Variants in PTK2 observed in about 807,000 individuals in gnomAD.
PTK2 encodes focal adhesion kinase 1.
Under a neutral mutation model 150.1 loss-of-function variants are expected in PTK2, and 45 were observed. That is an observed-to-expected ratio of 0.30 (90% CI 0.24 to 0.38). PTK2 has a LOEUF of 0.38. Ranked by LOEUF, PTK2 falls within the 10% of genes least tolerant of loss-of-function variation. The pLI, the probability that PTK2 is intolerant of heterozygous loss-of-function variation, is 1.00. For missense variants in PTK2, 919 were observed against 1,307.3 expected (o/e 0.70, Z 4.58); for synonymous variants, 432 against 449.2 (o/e 0.96, Z 0.48).
chr8:140,819,069 A>G, intron 8 of PTK2, 49 bp from the exon 9 acceptor site: 1 of 1,584,368 alleles, frequency 6.3e-7, no homozygotes, highest in Non-Finnish European at 8.6e-7. Flanking sequence ...GCAATGAGTA[A>G]AGACCACAAC....
At chr8:140,672,010 A>G in intron 29 of PTK2, 1 of 344,102 alleles carries the variant, frequency 2.9e-6, no homozygotes, top group East Asian at 8.6e-5. Flanking sequence ...TTTGCTTCAT[A>G]CCCTATCCTA....
chr8:140,828,983 T>C (rs991819425), intron 8 of PTK2, among the ~76,000 whole-genome samples: 2 of 152,248 alleles, frequency 1.3e-5, no homozygotes, highest in South Asian at 4.1e-4. Context: ...TGTGGGCTAC[T>C]TGTAGACTGG....
chr8:140,827,529 G>T (rs1481893544), intron 8 of PTK2, among the ~76,000 whole-genome samples: 2 of 152,152 alleles, frequency 1.3e-5, no homozygotes, highest in African/African-American at 4.8e-5. Flanking sequence ...TTCCTGCAGA[G>T]GAGGGTTTTT....
intron 4 of PTK2, among the ~76,000 whole-genome samples, chr8:140,866,136 T>C (rs1164262436): frequency 6.6e-6 from 1 of 152,172 alleles, no homozygotes; most frequent in African/African-American, 2.4e-5. Context: ...AGGAGAAAGG[T>C]ATAATTATTC....
intron 1 of PTK2, among the ~76,000 whole-genome samples, chr8:140,940,249 G>A (rs1236947060): frequency 2.0e-5 from 3 of 152,156 alleles, no homozygotes; most frequent in Admixed American, 6.6e-5. Context: ...TTTGCATTTG[G>A]GAGGCCGAGG....
chr8:140,791,435 C>T (rs773622985), intron 13 of PTK2, among the ~76,000 whole-genome samples: 5 of 152,158 alleles, frequency 3.3e-5, no homozygotes, highest in Non-Finnish European at 7.3e-5. Flanking sequence ...CCAAATGAAC[C>T]TCTATCAGAC....
At chr8:140,723,481 A>C (rs995801183) in intron 22 of PTK2, among the ~76,000 whole-genome samples, 2 of 152,198 alleles carry the variant, frequency 1.3e-5, no homozygotes, top group Admixed American at 1.3e-4. Flanking sequence ...CCATAGATGG[A>C]GTAGGAGGGC....
chr8:140,891,831 C>T (rs1407370294), intron 2 of PTK2, among the ~76,000 whole-genome samples: 2 of 152,226 alleles, frequency 1.3e-5, no homozygotes, highest in Non-Finnish European at 2.9e-5. Flanking sequence ...AGTGTTAGGA[C>T]ATCCCCAGGC....
intron 14 of PTK2, among the ~76,000 whole-genome samples, chr8:140,777,514 A>G (rs900535523): frequency 6.6e-6 from 1 of 152,226 alleles, no homozygotes; most frequent in African/African-American, 2.4e-5. Context: ...TGGGGATTAC[A>G]TTTCAACATG....
intron 1 of PTK2, among the ~76,000 whole-genome samples, chr8:140,961,033 T>C (rs961534166): frequency 6.6e-6 from 1 of 152,196 alleles, no homozygotes; most frequent in Non-Finnish European, 1.5e-5. Context: ...GGAAATGTAC[T>C]TTAAAGTCAG....
intron 14 of PTK2, among the ~76,000 whole-genome samples, chr8:140,765,616 C>T (rs2100071841): frequency 6.6e-6 from 1 of 152,096 alleles, no homozygotes; most frequent in Admixed American, 6.6e-5. Context: ...TATAAGAATA[C>T]TTAAAAGATT....
At chr8:140,660,701 G>T (rs1363577625) in intron 31 of PTK2, 3 of 442,468 alleles carry the variant, frequency 6.8e-6, no homozygotes, top group Non-Finnish European at 1.4e-5. Context: ...ACTCCAGCCT[G>T]GGTGACAGAG....
At chr8:140,673,220 G>A (rs1390601663) in intron 29 of PTK2, among the ~76,000 whole-genome samples, 1 of 151,700 alleles carries the variant, frequency 6.6e-6, no homozygotes, top group Non-Finnish European at 1.5e-5. Flanking sequence ...TGATTCTCCT[G>A]CCTCAGCCAC....
At chr8:140,962,881 C>A (rs35772678) in intron 1 of PTK2, among the ~76,000 whole-genome samples, 7,204 of 151,806 alleles carry the variant, frequency 0.047, 456 homozygotes, top group African/African-American at 0.14. Context: ...GGTCCCCCCC[C>A]CCAACCCAAC....
intron 1 of PTK2, among the ~76,000 whole-genome samples, chr8:140,932,815 A>G (rs2100172329): frequency 6.6e-6 from 1 of 151,864 alleles, no homozygotes. Context: ...GAAGACAAAC[A>G]AGACGGGGGT....
At chr8:140,989,570 C>T (rs1382126312) in intron 1 of PTK2, among the ~76,000 whole-genome samples, 1 of 151,464 alleles carries the variant, frequency 6.6e-6, no homozygotes, top group East Asian at 1.9e-4. Context: ...AATACAGGCA[C>T]TTGGCAAAAC....
At chr8:140,692,462 C>A (rs2100023729) in intron 26 of PTK2, among the ~76,000 whole-genome samples, 1 of 152,134 alleles carries the variant, frequency 6.6e-6, no homozygotes, top group Non-Finnish European at 1.5e-5. Context: ...ACTAAAAATA[C>A]AAAAATTAGC....
rs1217730409 is a variant in PTK2 at position 140,860,059 on chromosome 8, G to A, written c.450+4253C>T. Among the ~76,000 whole-genome samples, 12 of 152,100 alleles carry A rather than the reference G, an allele frequency of 7.9e-5. No homozygotes were observed. The South Asian group carries it at 1.5e-3, about 18-fold the overall frequency. The stretch of plus-strand genomic sequence containing the variant: ...ATATGCATTTTTTTCCCACATAAAC[G>A]AAAATTATACAGGTTTTATACATGG... On this transcript the variant is annotated intron_variant, in intron 5 of 31. Transcript: ENST00000522684.
intron 1 of PTK2, among the ~76,000 whole-genome samples, chr8:140,948,054 C>G (rs1481882755): frequency 6.6e-6 from 1 of 152,140 alleles, no homozygotes; most frequent in Non-Finnish European, 1.5e-5. Context: ...TTCTGAATTC[C>G]TACCAGGGGC....
Sources: gnomAD v4.1 joint callset for allele counts (sites outside exome capture counted in the v4.1 genomes callset) on GRCh38, gnomAD v4.1.1 for gene constraint, MANE v1.5 for transcripts, NCBI Gene and HGNC (gene_info 2026-07-23, HGNC 2026-07-21) for gene names.